The following GLRA1 variants were observed in gnomAD, a reference collection of about 807,000 sequenced individuals.
GLRA1 encodes glycine receptor subunit alpha-1.
Under a neutral mutation model 48.3 loss-of-function variants are expected in GLRA1, and 37 were observed. That is an observed-to-expected ratio of 0.77 (90% CI 0.59 to 1.01). GLRA1 has a LOEUF of 1.01. Among genes scored for constraint, GLRA1 ranks in the 50% least tolerant of loss-of-function variants. GLRA1 has a pLI of 0.00. For missense variants in GLRA1, 427 were observed against 571.0 expected (o/e 0.75, Z 2.57); for synonymous variants, 196 against 210.7 (o/e 0.93, Z 0.60).
intron 6 of GLRA1, among the ~76,000 whole-genome samples, chr5:151,852,686 G>A (rs948505682): frequency 1.3e-5 from 2 of 152,218 alleles, no homozygotes; most frequent in African/African-American, 4.8e-5. Context: ...AAATGAAAAT[G>A]GTGAAGAGCA....
chr5:151,889,133 C>T (rs768992461), intron 2 of GLRA1, among the ~76,000 whole-genome samples: 3 of 152,120 alleles, frequency 2.0e-5, no homozygotes, highest in Non-Finnish European at 4.4e-5. Flanking sequence ...TTTATGTGTG[C>T]GAGAGGACAC....
At chr5:151,913,166 G>A (rs1175180301) in intron 1 of GLRA1, among the ~76,000 whole-genome samples, 1 of 152,206 alleles carries the variant, frequency 6.6e-6, no homozygotes, top group Non-Finnish European at 1.5e-5. Context: ...TTTGAAGTGG[G>A]ACTTCGTGTA....
At chr5:151,828,895 C>T in intron 8 of GLRA1, 26 bp downstream of exon 8, 1 of 1,610,252 alleles carries the variant, frequency 6.2e-7, no homozygotes, top group Non-Finnish European at 8.5e-7. Flanking sequence ...AGCTGTCCCT[C>T]CTTAGGCAGT....
At chr5:151,916,407 C>T (rs1262722361) in intron 1 of GLRA1, among the ~76,000 whole-genome samples, 1 of 152,226 alleles carries the variant, frequency 6.6e-6, no homozygotes, top group Non-Finnish European at 1.5e-5. Context: ...GCGAATGTTG[C>T]AGAACTGAGC....
In GLRA1 at chr5:151,918,737, C is replaced by T. The variant is rs75103230; in HGVS notation, c.56+5757G>A. 9.6e-3 allele frequency among the ~76,000 whole-genome samples: 1,467 copies of T among 152,204 alleles called. 24 individuals are homozygous for T. Among genetic ancestry groups the T allele is most frequent in the African/African-American group, 0.034 (1,398 of 41,528 alleles). On this transcript the variant is annotated intron_variant, in intron 1 of 8. Coordinates refer to ENST00000274576, the MANE Select transcript of GLRA1 (RefSeq NM_000171.4). ...CAATTTGCAAAAGAAGCTTGAATTC[C>T]TTCTATGTCTTTCCTGGGAGGTGGA...
At chr5:151,857,754 C>A (rs1169252426) in intron 4 of GLRA1, among the ~76,000 whole-genome samples, 3 of 152,142 alleles carry the variant, frequency 2.0e-5, no homozygotes, top group African/African-American at 7.2e-5. Flanking sequence ...GAATTTGAGG[C>A]CTGCAGCTCA....
At chr5:151,831,983 C>G (rs1227150714) in intron 7 of GLRA1, among the ~76,000 whole-genome samples, 2 of 152,210 alleles carry the variant, frequency 1.3e-5, no homozygotes, top group African/African-American at 4.8e-5. Flanking sequence ...TCTGCAGTCT[C>G]CACTGGTGAT....
rs1195192073 is a variant in GLRA1, at chr5:151,856,503, G to A, written c.477-120C>T. The A allele has an allele frequency of 2.2e-5, 15 of 689,054 alleles. No homozygotes were observed. The East Asian group carries it at 4.3e-4, about 20-fold the overall frequency. The allele number at this position is 689,054 out of a possible 1,614,324, so 42.7% of individuals were successfully genotyped here. A position where few individuals can be genotyped will look rare whatever the true frequency, so the allele number is the denominator to read the frequency against. On this transcript the variant is annotated intron_variant, in intron 4 of 8. Coordinates refer to ENST00000274576, the MANE Select transcript of GLRA1 (RefSeq NM_000171.4). ...ATAGGGAAAGAAGGTCAGGGAACTT[G>A]TGTTTGTTTTTTTGTTTATTTATTT...
intron 2 of GLRA1, among the ~76,000 whole-genome samples, chr5:151,888,720 G>A (rs1753982848): frequency 6.6e-6 from 1 of 152,184 alleles, no homozygotes; most frequent in Non-Finnish European, 1.5e-5. Flanking sequence ...AGAGCTACCT[G>A]GGTGAGTCTC....
At chr5:151,828,020 C>T (rs903159138) in intron 8 of GLRA1, among the ~76,000 whole-genome samples, 3 of 152,156 alleles carry the variant, frequency 2.0e-5, no homozygotes, top group Non-Finnish European at 2.9e-5. Flanking sequence ...AAACCAAACA[C>T]GGTCTCTGCC....
intron 1 of GLRA1, among the ~76,000 whole-genome samples, chr5:151,902,469 T>A (rs1293589751): frequency 2.0e-5 from 3 of 152,138 alleles, no homozygotes; most frequent in African/African-American, 7.2e-5. Context: ...TAGCTCATCT[T>A]GAAAATACTA....
At chr5:151,886,350 A>G (rs996908507) in intron 3 of GLRA1, among the ~76,000 whole-genome samples, 2 of 152,202 alleles carry the variant, frequency 1.3e-5, no homozygotes, top group African/African-American at 2.4e-5. Flanking sequence ...AATTAACCCA[A>G]TATACCCATT....
intron 7 of GLRA1, among the ~76,000 whole-genome samples, chr5:151,836,302 A>G (rs1763577590): frequency 6.6e-6 from 1 of 152,258 alleles, no homozygotes; most frequent in Non-Finnish European, 1.5e-5. Context: ...CAAGGAAATA[A>G]GAGAGGACAC....
At position 151,849,676 on chromosome 5, in the gene GLRA1, A is replaced by G. The variant is rs1207969747; in HGVS notation, c.912+1714T>C. ...CAAGCGATTCTCCTGCCTCAGCCTC[A>G]CGAGTAGCTAGGATTACAGGTGTGT... On this transcript the variant is annotated intron_variant, in intron 7 of 8. Transcript: ENST00000274576. The G allele has an allele frequency of 1.4e-5, 3 of 209,390 alleles. No homozygotes were observed. The East Asian group carries it at 4.0e-4, about 28-fold the overall frequency. The allele number at this position is 209,390 out of a possible 1,614,324, so 13.0% of individuals were successfully genotyped here. A position where few individuals can be genotyped will look rare whatever the true frequency, so the allele number is the denominator to read the frequency against.
At chr5:151,892,466 G>A (rs778366017) in intron 1 of GLRA1, 28 bp from the exon 2 acceptor site, 5 of 1,612,682 alleles carry the variant, frequency 3.1e-6, no homozygotes, top group Non-Finnish European at 4.2e-6. Context: ...AGAGCAAAAG[G>A]TTAATGATGG....
chr5:151,838,094 C>T (rs918540486), intron 7 of GLRA1, among the ~76,000 whole-genome samples: 2 of 152,154 alleles, frequency 1.3e-5, no homozygotes, highest in Admixed American at 6.5e-5. Context: ...GACTTTAAAT[C>T]AGTTATTTTA....
At chr5:151,871,169 TTA>T (rs2113378563) in intron 3 of GLRA1, among the ~76,000 whole-genome samples, 1 of 149,628 alleles carries the variant, frequency 6.7e-6, no homozygotes, top group African/African-American at 2.6e-5. Flanking sequence ...TGGCCCTCTC[TTA>T]GTCTTTTGTT....
At chr5:151,849,830 A>C (rs763770199) in intron 7 of GLRA1, 4 of 1,288,606 alleles carry the variant, frequency 3.1e-6, no homozygotes, top group Admixed American at 6.2e-5. Context: ...CTGGGATTAC[A>C]GGCATGAGCC....
chr5:151,901,435 A>C (rs945947960), intron 1 of GLRA1, among the ~76,000 whole-genome samples: 5 of 152,222 alleles, frequency 3.3e-5, no homozygotes, highest in African/African-American at 1.2e-4. Flanking sequence ...TGAGTGTTGA[A>C]GAACAAGCCT....
Sources: allele counts gnomAD v4.1 joint callset (sites outside exome capture counted in the v4.1 genomes callset), GRCh38; gene constraint gnomAD v4.1.1; transcripts MANE v1.5; gene names NCBI Gene and HGNC (gene_info 2026-07-23, HGNC 2026-07-21).